SNTG1: variants seen among roughly 807,000 people sequenced by gnomAD.
The protein encoded by SNTG1 is syntrophin gamma 1, also known as gamma-1-syntrophin.
A neutral mutation model predicts 74.7 loss-of-function variants in SNTG1; 39 were observed. The observed-to-expected ratio is 0.52, with a 90% CI of 0.40 to 0.68. The LOEUF is 0.68. Ranked by LOEUF, SNTG1 falls within the 30% of genes least tolerant of loss-of-function variation. The pLI is 0.00. For synonymous variants in SNTG1, 254 were observed against 217.1 expected, an observed-to-expected ratio of 1.17 and a Z score of -1.49; for missense variants, 685 against 609.5, an observed-to-expected ratio of 1.12 and a Z score of -1.30.
chr8:50,745,202 A>G (rs949235595), intron 17 of SNTG1, among the ~76,000 whole-genome samples: 1 of 151,994 alleles, frequency 6.6e-6, no homozygotes, highest in Admixed American at 6.6e-5. Flanking sequence ...ACAACTCAGT[A>G]ACAACAAAAC....
At chr8:50,341,259 T>C (rs2091309013) in intron 2 of SNTG1, among the ~76,000 whole-genome samples, 1 of 151,932 alleles carries the variant, frequency 6.6e-6, no homozygotes, top group South Asian at 2.1e-4. Context: ...GTCAGTACTA[T>C]TAAAATAGGC....
intron 2 of SNTG1, among the ~76,000 whole-genome samples, chr8:50,331,056 T>C (rs2090944951): frequency 6.6e-6 from 1 of 152,246 alleles, no homozygotes; most frequent in East Asian, 1.9e-4. Flanking sequence ...CCAAAATGTG[T>C]TTCTATATTT....
intron 1 of SNTG1, among the ~76,000 whole-genome samples, chr8:50,105,452 G>A (rs1166711210): frequency 6.6e-6 from 1 of 151,862 alleles, no homozygotes; most frequent in Non-Finnish European, 1.5e-5. Context: ...GTTTGAATTT[G>A]AGTAACATGA....
Position 50,794,720 on chromosome 8 carries a change from C to A in SNTG1, c.*1891C>A, listed in dbSNP as rs2095700632. ...TCATTATGGAACTTCTGCTTCCAAC[C>A]AGAGCTGAATCTCAGTGTGCCCCAT... On this transcript the variant is annotated 3_prime_UTR_variant, in exon 19 of 19. Transcript: ENST00000642720. 1 of 151,962 alleles carries A rather than the reference C, an allele frequency of 6.6e-6. No homozygotes were observed. The highest frequency in any genetic ancestry group is 6.6e-5 in the Admixed American group (1 of 15,214). The allele number at this position is 151,962 out of a possible 1,614,324, so 9.4% of individuals were successfully genotyped here.
intron 1 of SNTG1, among the ~76,000 whole-genome samples, chr8:49,941,534 T>TAA (rs1388533330): frequency 2.6e-5 from 3 of 115,000 alleles, no homozygotes; most frequent in African/African-American, 8.1e-5. Context: ...TTAACTTTTA[T>TAA]ATATATATAT....
At chr8:50,161,925 G>A (rs1191822871) in intron 1 of SNTG1, among the ~76,000 whole-genome samples, 5 of 152,068 alleles carry the variant, frequency 3.3e-5, no homozygotes, top group African/African-American at 1.2e-4. Flanking sequence ...TCTTAGACAA[G>A]CATTCAAAAT....
intron 1 of SNTG1, among the ~76,000 whole-genome samples, chr8:50,046,453 A>T (rs1331251926): frequency 6.6e-6 from 1 of 152,222 alleles, no homozygotes; most frequent in African/African-American, 2.4e-5. Flanking sequence ...TTATCAAGAA[A>T]GATAACATAT....
chr8:50,721,306 G>A (rs1585635860), intron 17 of SNTG1, among the ~76,000 whole-genome samples: 1 of 152,134 alleles, frequency 6.6e-6, no homozygotes, highest in East Asian at 1.9e-4. Context: ...AAAAGTTAGG[G>A]CAAGCTTTGT....
At chr8:50,511,345 C>T (rs1486539114) in intron 9 of SNTG1, among the ~76,000 whole-genome samples, 1 of 152,048 alleles carries the variant, frequency 6.6e-6, no homozygotes, top group Non-Finnish European at 1.5e-5. Context: ...ACTATGTGGT[C>T]AATTTTGGAA....
chr8:50,103,910 C>T (rs1008189897), intron 1 of SNTG1, among the ~76,000 whole-genome samples: 14 of 152,114 alleles, frequency 9.2e-5, no homozygotes, highest in African/African-American at 3.4e-4. Context: ...AGGGATGAAG[C>T]CCACTTGATC....
At chr8:50,464,027 A>G (rs1027794183) in intron 8 of SNTG1, among the ~76,000 whole-genome samples, 1 of 152,118 alleles carries the variant, frequency 6.6e-6, no homozygotes, top group African/African-American at 2.4e-5. Context: ...TCATGAACCA[A>G]CTTCTGCTAG....
At chr8:50,093,719 G>A (rs1312891079) in intron 1 of SNTG1, among the ~76,000 whole-genome samples, 2 of 152,088 alleles carry the variant, frequency 1.3e-5, no homozygotes, top group Non-Finnish European at 2.9e-5. Context: ...GTTGGCTAAG[G>A]TAAAGAAGTA....
intron 2 of SNTG1, among the ~76,000 whole-genome samples, chr8:50,184,556 C>T (rs2083316198): frequency 2.6e-5 from 4 of 152,142 alleles, no homozygotes; most frequent in Admixed American, 2.6e-4. Context: ...ATCTCAATCT[C>T]TTTTAAATGG....
At chr8:50,310,269 G>A (rs2090056990) in intron 2 of SNTG1, among the ~76,000 whole-genome samples, 1 of 152,136 alleles carries the variant, frequency 6.6e-6, no homozygotes, top group South Asian at 2.1e-4. Context: ...ATTCCTTGGA[G>A]TGTTATAAAA....
At chr8:50,097,962 T>C (rs1350072739) in intron 1 of SNTG1, among the ~76,000 whole-genome samples, 1 of 152,198 alleles carries the variant, frequency 6.6e-6, no homozygotes, top group East Asian at 1.9e-4. Flanking sequence ...AATATTAATA[T>C]GTCTAAAGTT....
intron 1 of SNTG1, among the ~76,000 whole-genome samples, chr8:50,115,440 C>T (rs2080775211): frequency 6.6e-6 from 1 of 151,638 alleles, no homozygotes; most frequent in African/African-American, 2.4e-5. Flanking sequence ...ATGTCTGGTG[C>T]CTGTAATCTC....
At chr8:50,350,788 A>G (rs2130998913) in intron 2 of SNTG1, among the ~76,000 whole-genome samples, 1 of 152,282 alleles carries the variant, frequency 6.6e-6, no homozygotes, top group South Asian at 2.1e-4. Context: ...TTTTGTGTCT[A>G]GCTCAGGGAT....
chr8:50,345,020 G>A (rs916517631), intron 2 of SNTG1, among the ~76,000 whole-genome samples: 3 of 152,176 alleles, frequency 2.0e-5, no homozygotes. Flanking sequence ...AGCAAGCCAA[G>A]GGGAGGCCTT....
chr8:50,594,386 A>G (rs150522531), intron 13 of SNTG1, among the ~76,000 whole-genome samples: 163 of 152,316 alleles, frequency 1.1e-3, no homozygotes, highest in African/African-American at 3.6e-3. Flanking sequence ...ATTATAAAGT[A>G]TTAATTTGTC....
Sources: gnomAD v4.1 joint callset for allele counts (sites outside exome capture counted in the v4.1 genomes callset) on GRCh38, gnomAD v4.1.1 for gene constraint, MANE v1.5 for transcripts, NCBI Gene and HGNC (gene_info 2026-07-23, HGNC 2026-07-21) for gene names.